The following MIA2 variants were observed in gnomAD, a reference collection of about 807,000 sequenced individuals.
The protein encoded by MIA2 is MIA SH3 domain ER export factor 2, also known as melanoma inhibitory activity protein 2.
In MIA2, 127 loss-of-function variants were observed where a neutral mutation model predicts 167.8. The observed-to-expected ratio is 0.76, with a 90% CI of 0.66 to 0.88. The LOEUF is 0.88. Ranked by LOEUF, MIA2 falls within the 40% of genes least tolerant of loss-of-function variation. MIA2 has a pLI of 0.00. For synonymous variants in MIA2, 552 were observed against 541.9 expected (o/e 1.02, Z -0.26); for missense variants, 1,690 against 1,624.7 (o/e 1.04, Z -0.69).
At chr14:39,238,799 A>AAAAAAAAAAAAAAAAAAAAAAAAAAC in intron 2 of MIA2, among the ~76,000 whole-genome samples, 1 of 92,286 alleles carries the variant, frequency 1.1e-5, no homozygotes, top group East Asian at 2.8e-4. Context: ...GTCTCAAAAA[A>AAAAAAAAAAAAAAAAAAAAAAAAAAC]AAAAAAAAAA....
intron 28 of MIA2, 122 bp from the exon 29 acceptor site, chr14:39,349,976 T>A: frequency 6.5e-6 from 3 of 463,888 alleles, no homozygotes. Flanking sequence ...GATCAAGTAA[T>A]TATCTAGTGT....
At chr14:39,279,295 C>A in intron 7 of MIA2, 42 bp from the exon 8 acceptor site, 1 of 1,540,228 alleles carries the variant, frequency 6.5e-7, no homozygotes, top group Non-Finnish European at 8.9e-7. Flanking sequence ...TACTTGAGAG[C>A]GTATTTGTTT....
chr14:39,316,649 T>C (rs2065507714), intron 21 of MIA2, among the ~76,000 whole-genome samples: 1 of 152,210 alleles, frequency 6.6e-6, no homozygotes, highest in Admixed American at 6.5e-5. Flanking sequence ...GGTGAATGTC[T>C]AGGTCCTCCT....
At chr14:39,299,709 A>C (rs1441092768) in intron 13 of MIA2, among the ~76,000 whole-genome samples, 155 bp from the exon 14 acceptor site, 1 of 152,210 alleles carries the variant, frequency 6.6e-6, no homozygotes, top group Non-Finnish European at 1.5e-5. Flanking sequence ...AACTAGTTGA[A>C]GAATGTGTGT....
chr14:39,315,725 T>G lies in MIA2; in HGVS notation c.3216+7T>G, dbSNP rs1438525808. ...AAAAGCACATGATAATTGGGTAAGT[T>G]TAAAATTTCCTTAAGTCTCTTTTGT... On this transcript the variant is annotated splice_region_variant and intron_variant, in intron 21 of 28. Coordinates refer to ENST00000640607, the MANE Select transcript of MIA2 (RefSeq NM_001329214.4). 1 of 1,541,128 alleles carries G rather than the reference T, an allele frequency of 6.5e-7. No individual in the cohort carries two copies. The highest frequency in any genetic ancestry group is 8.9e-7 in the Non-Finnish European group (1 of 1,127,196).
Position 39,347,787 on chromosome 14 carries a change from G to A in MIA2, c.3837+16G>A, listed in dbSNP as rs778018106. 4.0e-6 allele frequency: 6 copies of A among 1,483,828 alleles called. No homozygotes were observed. Among genetic ancestry groups the A allele is most frequent in the African/African-American group, 1.4e-5 (1 of 70,884 alleles). The allele number at this position is 1,483,828 out of a possible 1,614,324, so 91.9% of individuals were successfully genotyped here. A position where few individuals can be genotyped will look rare whatever the true frequency, so the allele number is the denominator to read the frequency against. On this transcript the variant is annotated intron_variant, in intron 27 of 28. Coordinates refer to ENST00000640607, the MANE Select transcript of MIA2 (RefSeq NM_001329214.4). ...TGATCTTGGTGTAAGTATTGAAAGA[G>A]TGGAATTGTATGCATGTATTCAGAA... is the stretch of plus-strand genomic sequence containing the variant.
At chr14:39,319,860 C>G (rs1004450829) in intron 23 of MIA2, among the ~76,000 whole-genome samples, 1 of 151,914 alleles carries the variant, frequency 6.6e-6, no homozygotes, top group South Asian at 2.1e-4. Context: ...TGATCTCAAA[C>G]TATTGCAAAC....
At chr14:39,353,975 T>A (rs1021968552), downstream of MIA2, among the ~76,000 whole-genome samples, 6 of 152,216 alleles carry the variant, frequency 3.9e-5, no homozygotes, top group Non-Finnish European at 7.3e-5. Flanking sequence ...TGTCGGACAT[T>A]TGGGTTGGTT....
At chr14:39,246,885 A>G (rs1299973518) in intron 3 of MIA2, 26 bp from the exon 4 acceptor site, 1 of 1,282,236 alleles carries the variant, frequency 7.8e-7, no homozygotes, top group Non-Finnish European at 1.1e-6. Context: ...ATTCATGTTA[A>G]TCATATATAT....
At chr14:39,356,663 T>A (rs2139255326) in intron 23 of MIA2, among the ~76,000 whole-genome samples, 1 of 152,338 alleles carries the variant, frequency 6.6e-6, no homozygotes, top group South Asian at 2.1e-4. Context: ...TTTTAGAACT[T>A]TTTCTGCTTT....
intron 15 of MIA2, among the ~76,000 whole-genome samples, chr14:39,302,816 A>T (rs8004716): frequency 0.3 from 45,912 of 151,988 alleles, 7,231 homozygotes; most frequent in East Asian, 0.5. Flanking sequence ...TTTTATTTTG[A>T]AATATGGCAT....
At chr14:39,275,664 T>G (rs960664663) in intron 6 of MIA2, among the ~76,000 whole-genome samples, 3 of 152,216 alleles carry the variant, frequency 2.0e-5, no homozygotes, top group African/African-American at 4.8e-5. Flanking sequence ...GTAAGATGCT[T>G]GGAAAATGTG....
At position 39,288,479 on chromosome 14, in the gene MIA2, T is replaced by G. The variant is rs1484462507; in HGVS notation, c.2131-2540T>G. Reference sequence around the variant, plus strand: ...TATATATATATATATATATATATTTTTTTTTTTTTTTTTGAGACGGAGTCT... The same window carrying G: ...TATATATATATATATATATATATTTGTTTTTTTTTTTTTGAGACGGAGTCT... On this transcript the variant is annotated intron_variant, in intron 9 of 28. Coordinates refer to ENST00000640607, the MANE Select transcript of MIA2 (RefSeq NM_001329214.4). Among the ~76,000 whole-genome samples the G allele has an allele frequency of 1.4e-4, 9 of 64,964 alleles. 1 individual carries two copies. The highest frequency in any genetic ancestry group is 6.1e-3 in the Middle Eastern group (1 of 164). 42.6% of individuals were successfully genotyped at this position (64,964 alleles called of 152,430 possible). A position where few individuals can be genotyped will look rare whatever the true frequency, so the allele number is the denominator to read the frequency against.
At position 39,252,742 on chromosome 14, in the gene MIA2, T is replaced by C; in HGVS notation, c.1568-6T>C. ...GAAAAACACATTTCTTTTTATTTATTTGTAGATATGGTCTCTAACATAGAG... is the reference window on the plus strand; with the variant it reads ...GAAAAACACATTTCTTTTTATTTATCTGTAGATATGGTCTCTAACATAGAG... On this transcript the variant is annotated splice_polypyrimidine_tract_variant and splice_region_variant and intron_variant, in intron 4 of 28. Transcript: ENST00000640607. The C allele has an allele frequency of 6.3e-7, 1 of 1,587,374 alleles. No individual in the cohort carries two copies. The highest frequency in any genetic ancestry group is 8.6e-7 in the Non-Finnish European group (1 of 1,164,086).
intron 9 of MIA2, among the ~76,000 whole-genome samples, chr14:39,287,361 C>T (rs2059963425): frequency 6.6e-6 from 1 of 152,042 alleles, no homozygotes; most frequent in South Asian, 2.1e-4. Flanking sequence ...AGGTGTGAGC[C>T]ACCGCACCCA....
chr14:39,276,790 C>CA (rs1566675918), intron 6 of MIA2, 144 bp from the exon 7 acceptor site: 3 of 806,344 alleles, frequency 3.7e-6, no homozygotes, highest in East Asian at 2.8e-5. Flanking sequence ...TGAAAGTTGA[C>CA]AAAAAAATGT....
At chr14:39,378,698 TTTATA>T (rs2075093846) in intron 23 of MIA2, among the ~76,000 whole-genome samples, 1 of 152,150 alleles carries the variant, frequency 6.6e-6, no homozygotes, top group South Asian at 2.1e-4. Flanking sequence ...TAATAACACA[TTTATA>T]TAAATGCAGT....
chr14:39,286,315 C>T lies in MIA2; in HGVS notation c.2131-4704C>T, dbSNP rs887483770. 1.3e-4 allele frequency among the ~76,000 whole-genome samples: 19 copies of T among 151,976 alleles called. 1 individual carries two copies. The highest frequency in any genetic ancestry group is 4.1e-4 in the South Asian group (2 of 4,830). On this transcript the variant is annotated intron_variant, in intron 9 of 28. Transcript: ENST00000640607. The stretch of plus-strand genomic sequence containing the variant: ...TGAAAACCAGTCAGGTGTGGTGGCG[C>T]GCGCCTGCAATTGCAGGCACTCGGC...
At chr14:39,248,278 C>CTTA in intron 4 of MIA2, 137 bp downstream of exon 4, 1 of 597,572 alleles carries the variant, frequency 1.7e-6, no homozygotes, top group East Asian at 3.9e-5. Context: ...TTCCAGTTTA[C>CTTA]TCTGGAATTT....
Sources: gnomAD v4.1 joint callset for allele counts (sites outside exome capture counted in the v4.1 genomes callset) on GRCh38, gnomAD v4.1.1 for gene constraint, MANE v1.5 for transcripts, NCBI Gene and HGNC (gene_info 2026-07-23, HGNC 2026-07-21) for gene names.